CACNA1A: variants seen among roughly 807,000 people sequenced by gnomAD.
The protein encoded by CACNA1A is voltage-dependent P/Q-type calcium channel subunit alpha-1A.
A neutral mutation model predicts 262.4 loss-of-function variants in CACNA1A; 57 were observed. That is an observed-to-expected ratio of 0.22 (90% confidence interval 0.18 to 0.27). CACNA1A has a LOEUF of 0.27. Ranked by LOEUF, CACNA1A falls within the 10% of genes least tolerant of loss-of-function variation. The probability of loss-of-function intolerance (pLI) is 1.00; values close to 1 mark genes in which losing one functional copy is unlikely to be tolerated. For missense variants in CACNA1A, 2,526 were observed against 3,562.8 expected, an observed-to-expected ratio of 0.71 and a Z score of 7.41; for synonymous variants, 1,431 against 1,419.3, an observed-to-expected ratio of 1.01 and a Z score of -0.18.
intron 17 of CACNA1A, among the ~76,000 whole-genome samples, chr19:13,303,307 C>T (rs2057826539): frequency 6.6e-6 from 1 of 152,158 alleles, no homozygotes; most frequent in Non-Finnish European, 1.5e-5. Context: ...TTTCCTGCAG[C>T]GACCTCACTG....
intron 22 of CACNA1A, among the ~76,000 whole-genome samples, chr19:13,279,856 T>A (rs756526918): frequency 6.6e-6 from 1 of 152,122 alleles, no homozygotes; most frequent in African/African-American, 2.4e-5. Flanking sequence ...TCGCCAAGGC[T>A]AGAGTGCAGT....
intron 10 of CACNA1A, among the ~76,000 whole-genome samples, chr19:13,326,376 C>T (rs543251399): frequency 4.6e-5 from 7 of 152,040 alleles, no homozygotes; most frequent in African/African-American, 1.7e-4. Context: ...CTCAACTTTT[C>T]ATGTAAATGA....
rs573552105 is a variant in CACNA1A, at chr19:13,294,767, G to A, written c.3089+3777C>T. On this transcript the variant is annotated intron_variant, in intron 19 of 46. Coordinates refer to ENST00000360228, the MANE Select transcript of CACNA1A (RefSeq NM_001127222.2). Reference sequence around the variant, plus strand: ...GCCTCCCAAAGTGCTGGGATTACAGGCGTGAACCATCACACTGGCCTGTAC... The same window carrying A: ...GCCTCCCAAAGTGCTGGGATTACAGACGTGAACCATCACACTGGCCTGTAC... 2.4e-4 allele frequency among the ~76,000 whole-genome samples: 37 copies of A among 152,182 alleles called. No homozygotes were observed. The South Asian group carries it at 7.5e-3, about 31-fold the overall frequency.
Position 13,286,927 on chromosome 19 carries a change from G to T in CACNA1A, c.3129C>A (p.Asn1043Lys), listed in dbSNP as rs1187232740. The T allele has an allele frequency of 6.2e-7, 1 of 1,610,744 alleles. No homozygotes were observed. The highest frequency in any genetic ancestry group is 1.7e-5 in the Admixed American group (1 of 59,874). The change falls in exon 20 of 47, where the codon AAC becomes AAA. Residue 1043 changes from asparagine to lysine, a missense_variant. By Grantham distance (94) the Asn-to-Lys change is moderately conservative (BLOSUM62 0). Transcript: ENST00000360228. ...QGSGVPVSGP[N>K]LSTTRPIQQD... Reference sequence around the variant, plus strand: ...GCTGGATTGGCCGGGTGGTTGACAGGTTGGGGCCCGACACAGGGACCCCGG... The same window carrying T: ...GCTGGATTGGCCGGGTGGTTGACAGTTTGGGGCCCGACACAGGGACCCCGG...
In CACNA1A at chr19:13,207,971, TGGG is replaced by T; in HGVS notation, c.6860_6862del (p.Pro2287del). ...GTGTGGCCGGGGGGTGGAGGGGGTC[TGGG>T]GGAGCTGGCGGCGGCCCCGCCGCGG... On this transcript the variant is annotated inframe_deletion, in exon 47 of 47. Transcript: ENST00000360228. This position sits in a 1 kb window ranked among gnomAD's most constrained non-coding sequence, Gnocchi z 5.7. 1 of 803,606 alleles carries T rather than the reference TGGG, an allele frequency of 1.2e-6. No individual in the cohort carries two copies. The highest frequency in any genetic ancestry group is 1.5e-6 in the Non-Finnish European group (1 of 658,354). 49.8% of individuals were successfully genotyped at this position (803,606 alleles called of 1,614,324 possible). A position where few individuals can be genotyped will look rare whatever the true frequency, so the allele number is the denominator to read the frequency against.
intron 44 of CACNA1A, among the ~76,000 whole-genome samples, chr19:13,210,325 G>A (rs751846997): frequency 3.7e-4 from 56 of 152,144 alleles, no homozygotes; most frequent in Middle Eastern, 3.2e-3. Context: ...CCAGAAAGAG[G>A]TGCAGAGTGG....
chr19:13,354,869 CTTTTTTTTTTTT>C (rs56350383), intron 6 of CACNA1A, among the ~76,000 whole-genome samples: 4 of 115,098 alleles, frequency 3.5e-5, no homozygotes, highest in Non-Finnish European at 6.7e-5. Context: ...TTTTCTTTTT[CTTTTTTTTTTTT>C]TTTTTTTTTT....
intron 1 of CACNA1A, among the ~76,000 whole-genome samples, chr19:13,497,368 C>T (rs922525719): frequency 3.3e-4 from 49 of 147,628 alleles, no homozygotes; most frequent in Admixed American, 6.8e-5. Context: ...AATCCCCCAC[C>T]CCAAACTAGA....
chr19:13,339,629 G>A (rs966694059), intron 6 of CACNA1A, among the ~76,000 whole-genome samples: 1 of 152,102 alleles, frequency 6.6e-6, no homozygotes, highest in Non-Finnish European at 1.5e-5. Context: ...TAATTACCCT[G>A]ATCTGAGCAC....
chr19:13,495,491 C>T (rs1472989189), intron 1 of CACNA1A, among the ~76,000 whole-genome samples: 3 of 151,990 alleles, frequency 2.0e-5, no homozygotes, highest in African/African-American at 7.3e-5. Flanking sequence ...AGAGATGGGG[C>T]TTCACCCTGT....
intron 6 of CACNA1A, among the ~76,000 whole-genome samples, chr19:13,341,400 A>G (rs1232815246): frequency 6.6e-6 from 1 of 152,188 alleles, no homozygotes; most frequent in Non-Finnish European, 1.5e-5. Context: ...TGTTGTTTTC[A>G]GCTACTCTAT....
intron 24 of CACNA1A, among the ~76,000 whole-genome samples, chr19:13,267,358 C>T (rs1266715436): frequency 6.6e-6 from 1 of 152,200 alleles, no homozygotes; most frequent in East Asian, 1.9e-4. Flanking sequence ...GTCCATCCTT[C>T]CATCTGGAAG....
At chr19:13,263,918 C>A (rs1450800142) in intron 24 of CACNA1A, among the ~76,000 whole-genome samples, 1 of 152,050 alleles carries the variant, frequency 6.6e-6, no homozygotes, top group Non-Finnish European at 1.5e-5. Flanking sequence ...TTAAAGTGGC[C>A]CTTATACCAA....
chr19:13,412,943 G>C (rs1599396085), intron 3 of CACNA1A, among the ~76,000 whole-genome samples: 1 of 152,140 alleles, frequency 6.6e-6, no homozygotes, highest in Non-Finnish European at 1.5e-5. Context: ...AAAATGGTGT[G>C]GTTGGAAGTT....
intron 24 of CACNA1A, chr19:13,272,480 C>G (rs11673216): frequency 0.16 from 23,831 of 152,362 alleles, 2,496 homozygotes; most frequent in Non-Finnish European, 0.24. Context: ...GTAGGGGGGC[C>G]AAGTCCCTGT....
At chr19:13,263,694 T>C (rs2144777257) in intron 24 of CACNA1A, among the ~76,000 whole-genome samples, 1 of 152,174 alleles carries the variant, frequency 6.6e-6, no homozygotes, top group East Asian at 1.9e-4. Flanking sequence ...CTAACTTTTG[T>C]ATTTTTAGTA....
At chr19:13,404,226 A>G (rs1298393734) in intron 3 of CACNA1A, among the ~76,000 whole-genome samples, 1 of 152,056 alleles carries the variant, frequency 6.6e-6, no homozygotes, top group Admixed American at 6.6e-5. Flanking sequence ...TTCATAGTTA[A>G]TGCTGCTATA....
intron 34 of CACNA1A, among the ~76,000 whole-genome samples, chr19:13,233,518 C>T (rs567385715): frequency 3.9e-5 from 6 of 152,134 alleles, no homozygotes; most frequent in Non-Finnish European, 7.4e-5. Context: ...GACAGAGTCT[C>T]GCTCTGTTGC....
chr19:13,276,884 G>A (rs1161585149), intron 23 of CACNA1A, among the ~76,000 whole-genome samples, 185 bp downstream of exon 23: 1 of 151,672 alleles, frequency 6.6e-6, no homozygotes, highest in Non-Finnish European at 1.5e-5. Context: ...GCTAATTTTT[G>A]TATTTTTAGT....
Sources: gnomAD v4.1 joint callset for allele counts (sites outside exome capture counted in the v4.1 genomes callset) on GRCh38, gnomAD v4.1.1 for gene constraint, Gnocchi (gnomAD v3.1) non-coding constraint, MANE v1.5 for transcripts, NCBI Gene and HGNC (gene_info 2026-07-23, HGNC 2026-07-21) for gene names.